TAMM41: variants seen among roughly 807,000 people sequenced by gnomAD.
TAMM41 encodes the protein phosphatidate cytidylyltransferase, mitochondrial.
TAMM41 carries 36 observed loss-of-function variants against 44.1 expected under a neutral mutation model. The observed-to-expected ratio is 0.82, with a 90% CI of 0.63 to 1.08. The LOEUF (loss-of-function observed/expected upper bound fraction) is 1.08. Ranked by LOEUF, TAMM41 falls within the 50% of genes least tolerant of loss-of-function variation. The pLI is 0.00. For missense variants in TAMM41, 417 were observed against 404.3 expected (o/e 1.03, Z -0.27); for synonymous variants, 164 against 153.1 (o/e 1.07, Z -0.53).
chr3:11,758,755 C>G, the TAMM41 span, among the ~76,000 whole-genome samples: 72,188 of 151,346 alleles, frequency 0.48, 18,638 homozygotes, highest in South Asian at 0.64. Context: ...CTCACTGCAA[C>G]CCCCGCCTCC....
chr3:11,733,202 T>C, the TAMM41 span, among the ~76,000 whole-genome samples: 19 of 151,802 alleles, frequency 1.3e-4, no homozygotes, highest in Non-Finnish European at 2.6e-4. Context: ...TTTCACCATA[T>C]TGGCCAGGCT....
At chr3:11,787,876 C>T (rs554503425), downstream of TAMM41, among the ~76,000 whole-genome samples, 3 of 152,282 alleles carry the variant, frequency 2.0e-5, no homozygotes, top group East Asian at 3.9e-4. Context: ...TACTTACTCC[C>T]GAAGAGTTCC....
At chr3:11,727,303 G>A in the TAMM41 span, among the ~76,000 whole-genome samples, 19,424 of 152,106 alleles carry the variant, frequency 0.13, 1,653 homozygotes, top group East Asian at 0.44. Context: ...CCTCAGGATT[G>A]CCTGCAGACT....
chr3:11,844,472 T>G (rs1397499186), intron 1 of TAMM41, among the ~76,000 whole-genome samples: 1 of 152,184 alleles, frequency 6.6e-6, no homozygotes, highest in Non-Finnish European at 1.5e-5. Context: ...GTCACTCCAT[T>G]TATCCTCAGC....
At chr3:11,749,716 C>T in the TAMM41 span, among the ~76,000 whole-genome samples, 1 of 152,120 alleles carries the variant, frequency 6.6e-6, no homozygotes, top group Non-Finnish European at 1.5e-5. Flanking sequence ...GAAGGGAGGG[C>T]TCATTCACAC....
intron 7 of TAMM41, among the ~76,000 whole-genome samples, chr3:11,799,508 C>G (rs2077692544): frequency 6.6e-6 from 1 of 152,190 alleles, no homozygotes; most frequent in Admixed American, 6.5e-5. Flanking sequence ...ATTTAACCCA[C>G]AGAATCTGAA....
rs1010444277 is a variant in TAMM41, at chr3:11,821,137, G to T, written c.563-3800C>A. Reference sequence around the variant, plus strand: ...CAGTCCCCAAACTTTCTGGCACCAGGAAGAGGTTTTGTGGAAGACAATTTT... The same window carrying T: ...CAGTCCCCAAACTTTCTGGCACCAGTAAGAGGTTTTGTGGAAGACAATTTT... On this transcript the variant is annotated intron_variant, in intron 4 of 7. Coordinates refer to ENST00000455809, the MANE Select transcript of TAMM41 (RefSeq NM_001284401.2). 2.6e-5 allele frequency among the ~76,000 whole-genome samples: 4 copies of T among 152,214 alleles called. No homozygotes were observed. In the East Asian group the frequency reaches 7.7e-4, roughly 29 times the overall value.
the TAMM41 span, among the ~76,000 whole-genome samples, chr3:11,769,022 C>T: frequency 2.6e-5 from 4 of 152,096 alleles, no homozygotes; most frequent in Admixed American, 6.6e-5. Flanking sequence ...ATGTGAGAGC[C>T]GAGGGTGAGC....
the TAMM41 span, among the ~76,000 whole-genome samples, chr3:11,740,661 C>T: frequency 2.0e-5 from 3 of 151,956 alleles, no homozygotes; most frequent in African/African-American, 2.4e-5. Context: ...TGGCTCACCA[C>T]AACCTCCGCC....
chr3:11,761,946 C>CAAAA, the TAMM41 span, among the ~76,000 whole-genome samples: 21 of 74,120 alleles, frequency 2.8e-4, no homozygotes, highest in South Asian at 6.3e-4. Context: ...GACTCTGTCT[C>CAAAA]AAAAAAAAAA....
At chr3:11,786,929 T>C (rs1481398328), downstream of TAMM41, among the ~76,000 whole-genome samples, 1 of 152,214 alleles carries the variant, frequency 6.6e-6, no homozygotes, top group African/African-American at 2.4e-5. Flanking sequence ...ATCATTTTCT[T>C]ATTCTCCCTC....
the TAMM41 span, among the ~76,000 whole-genome samples, chr3:11,772,534 T>C: frequency 2.3e-4 from 35 of 152,220 alleles, no homozygotes; most frequent in Non-Finnish European, 4.6e-4. Flanking sequence ...TTCATTCTTT[T>C]TTTTAATGGC....
At chr3:11,809,789 C>G (rs1020770706) in intron 5 of TAMM41, 107 bp from the exon 6 acceptor site, 3 of 1,151,538 alleles carry the variant, frequency 2.6e-6, no homozygotes, top group Non-Finnish European at 3.7e-6. Flanking sequence ...TATATGCACC[C>G]ACACCCCTGG....
intron 4 of TAMM41, among the ~76,000 whole-genome samples, chr3:11,822,987 T>C (rs2078585651): frequency 1.3e-5 from 2 of 152,338 alleles, no homozygotes; most frequent in Middle Eastern, 3.4e-3. Flanking sequence ...CACTTTACAA[T>C]CTAATCAGCA....
the TAMM41 span, among the ~76,000 whole-genome samples, chr3:11,751,553 AATG>A: frequency 6.6e-6 from 1 of 152,084 alleles, no homozygotes; most frequent in African/African-American, 2.4e-5. Flanking sequence ...CATGGTTGAG[AATG>A]ATAGAGAATG....
At chr3:11,837,006 T>C (rs76392418) in intron 3 of TAMM41, among the ~76,000 whole-genome samples, 331 of 152,322 alleles carry the variant, frequency 2.2e-3, no homozygotes, top group African/African-American at 7.7e-3. Flanking sequence ...AGGGTACAGT[T>C]TGATAAATTT....
chr3:11,764,597 A>G, the TAMM41 span, among the ~76,000 whole-genome samples: 2 of 134,778 alleles, frequency 1.5e-5, no homozygotes, highest in African/African-American at 5.7e-5. Context: ...CGTTCACGCC[A>G]TTCTCCTGCC....
the TAMM41 span, among the ~76,000 whole-genome samples, chr3:11,733,641 C>G: frequency 6.6e-6 from 1 of 151,886 alleles, no homozygotes; most frequent in East Asian, 1.9e-4. Context: ...TACAGGTGCC[C>G]GCCACCACAC....
At chr3:11,765,544 G>T in the TAMM41 span, among the ~76,000 whole-genome samples, 1 of 152,194 alleles carries the variant, frequency 6.6e-6, no homozygotes, top group South Asian at 2.1e-4. Flanking sequence ...CAAATCCTCA[G>T]GATACCCCAT....
Sources: allele counts gnomAD v4.1 joint callset (sites outside exome capture counted in the v4.1 genomes callset), GRCh38; gene constraint gnomAD v4.1.1; transcripts MANE v1.5; gene names NCBI Gene and HGNC (gene_info 2026-07-23, HGNC 2026-07-21).